The following CLASP2 variants were observed in gnomAD, a reference collection of about 807,000 sequenced individuals.
CLASP2 encodes the protein CLIP-associating protein 2.
A neutral mutation model predicts 194.4 loss-of-function variants in CLASP2; 47 were observed. The ratio of observed to expected loss-of-function variants is 0.24; its 90% CI spans 0.19 to 0.31. The LOEUF (loss-of-function observed/expected upper bound fraction) is 0.31, where lower values mean the gene tolerates loss of function less well. Among genes scored for constraint, CLASP2 ranks in the 10% least tolerant of loss-of-function variants. The pLI is 1.00. For missense variants in CLASP2, 1,445 were observed against 1,823.6 expected (o/e 0.79, Z 3.78); for synonymous variants, 619 against 633.5 (o/e 0.98, Z 0.34).
intron 1 of CLASP2, among the ~76,000 whole-genome samples, chr3:33,716,664 T>C (rs540113001): frequency 2.8e-4 from 42 of 152,366 alleles, no homozygotes; most frequent in African/African-American, 7.2e-4. Context: ...GGTAATGATA[T>C]ATTATTAAAT....
intron 23 of CLASP2, among the ~76,000 whole-genome samples, chr3:33,577,479 C>T (rs925676553): frequency 2.0e-5 from 3 of 151,794 alleles, no homozygotes; most frequent in Admixed American, 2.0e-4. Context: ...GACAGGCCTA[C>T]AGGAGACAAA....
chr3:33,675,390 T>C (rs1213397881), intron 6 of CLASP2, among the ~76,000 whole-genome samples: 1 of 151,658 alleles, frequency 6.6e-6, no homozygotes, highest in Non-Finnish European at 1.5e-5. Flanking sequence ...TTCAACAACC[T>C]TCATGCTAAA....
intron 37 of CLASP2, chr3:33,503,238 G>A (rs2047236569): frequency 1.3e-5 from 2 of 152,046 alleles, no homozygotes; most frequent in South Asian, 2.1e-4. Context: ...TCCATTGTAT[G>A]ATATATCATG....
intron 7 of CLASP2, among the ~76,000 whole-genome samples, chr3:33,655,196 G>A (rs1421060688): frequency 6.6e-5 from 10 of 152,086 alleles, no homozygotes; most frequent in Non-Finnish European, 1.5e-5. Context: ...TATTCTATAT[G>A]TACAAAGAAA....
intron 19 of CLASP2, among the ~76,000 whole-genome samples, chr3:33,596,332 A>G (rs866190165): frequency 1.3e-5 from 2 of 152,130 alleles, no homozygotes; most frequent in Admixed American, 1.3e-4. Context: ...GTCATTTGTC[A>G]TATCACTTAA....
chr3:33,604,198 G>C lies in CLASP2; in HGVS notation c.1706C>G (p.Ser569Cys). The C allele has an allele frequency of 6.4e-7, 1 of 1,558,306 alleles. No homozygotes were observed. The highest frequency in any genetic ancestry group is 8.7e-7 in the Non-Finnish European group (1 of 1,150,012). The change falls in exon 17 of 39, where the codon TCT (serine) becomes TGT (cysteine). Residue 569 changes from serine (S) to cysteine (C), a missense_variant. By Grantham distance (112) the Ser-to-Cys change is moderately radical (BLOSUM62 -1). Coordinates refer to ENST00000682230, the MANE Select transcript of CLASP2 (RefSeq NM_001365631.1). ...SSQESLNRPF[S>C]SKWSTANPST... The stretch of plus-strand genomic sequence containing the variant: ...TGGATTTGCTGTAGACCATTTGGAA[G>C]AAAAAGGGCGACTGCAAAGTATAAA...
chr3:33,604,819 G>A (rs2073363426), intron 16 of CLASP2, among the ~76,000 whole-genome samples: 2 of 152,156 alleles, frequency 1.3e-5, no homozygotes, highest in South Asian at 4.1e-4. Context: ...GACCACCAAA[G>A]AGAACTCGAT....
intron 29 of CLASP2, among the ~76,000 whole-genome samples, chr3:33,552,815 C>T (rs1234269476): frequency 6.6e-6 from 1 of 152,066 alleles, no homozygotes; most frequent in African/African-American, 2.4e-5. Flanking sequence ...CTTATTCATC[C>T]TATAGATCTG....
chr3:33,588,775 A>G (rs2067996883), intron 21 of CLASP2: 3 of 700,704 alleles, frequency 4.3e-6, no homozygotes, highest in Non-Finnish European at 7.8e-6. Context: ...ATTATAATCC[A>G]TGAAGAGGGA....
At chr3:33,581,983 G>C in intron 22 of CLASP2, 55 bp from the exon 23 acceptor site, 1 of 1,301,618 alleles carries the variant, frequency 7.7e-7, no homozygotes. Context: ...AACAGAGTTT[G>C]CATTTTAAAA....
chr3:33,507,308 T>TA (rs1319953930), intron 37 of CLASP2, among the ~76,000 whole-genome samples: 1 of 152,170 alleles, frequency 6.6e-6, no homozygotes, highest in East Asian at 1.9e-4. Flanking sequence ...GCCATTTCTT[T>TA]ACTAAAGAAA....
intron 18 of CLASP2, chr3:33,602,595 TAAGAG>T (rs2154254587): frequency 2.6e-6 from 2 of 759,270 alleles, no homozygotes; most frequent in Non-Finnish European, 4.8e-6. Context: ...ACATTCTTGG[TAAGAG>T]AAGAGAAGTA....
At chr3:33,598,177 C>G (rs1452581891) in intron 18 of CLASP2, among the ~76,000 whole-genome samples, 1 of 149,348 alleles carries the variant, frequency 6.7e-6, no homozygotes, top group East Asian at 2.0e-4. Flanking sequence ...TTTTTTTTCA[C>G]TCTAATAAAT....
intron 7 of CLASP2, among the ~76,000 whole-genome samples, chr3:33,648,651 T>G (rs2082677497): frequency 6.6e-6 from 1 of 152,220 alleles, no homozygotes; most frequent in Non-Finnish European, 1.5e-5. Flanking sequence ...TTAAAATTTT[T>G]GTTAAACATT....
chr3:33,701,944 G>GA (rs1166470944), intron 1 of CLASP2, among the ~76,000 whole-genome samples: 2 of 151,530 alleles, frequency 1.3e-5, no homozygotes, highest in Admixed American at 1.3e-4. Context: ...AAACATAAAA[G>GA]AAAAAAACAT....
At position 33,658,861 on chromosome 3, in the gene CLASP2, C is replaced by T. The variant is rs190148875; in HGVS notation, c.715+4584G>A. The T allele has an allele frequency of 4.5e-5, 43 of 965,932 alleles. No individual in the cohort carries two copies. In the East Asian group the frequency reaches 1.1e-3, roughly 25 times the overall value. 59.8% of individuals were successfully genotyped at this position (965,932 alleles called of 1,614,324 possible). On this transcript the variant is annotated intron_variant, in intron 7 of 38. Transcript: ENST00000682230. ...ACAAGTGTACACACATGCATAAACACACAAGTGTCCTTCATTCTTTAGGGA... is the reference window on the plus strand; with the variant it reads ...ACAAGTGTACACACATGCATAAACATACAAGTGTCCTTCATTCTTTAGGGA...
At chr3:33,512,492 G>T (rs1225026737) in intron 36 of CLASP2, among the ~76,000 whole-genome samples, 1 of 41,802 alleles carries the variant, frequency 2.4e-5, no homozygotes, top group Non-Finnish European at 4.3e-5. Flanking sequence ...CACCAGCATG[G>T]CACATGTATA....
chr3:33,634,630 C>T (rs1353556161), intron 8 of CLASP2, among the ~76,000 whole-genome samples: 2 of 152,138 alleles, frequency 1.3e-5, no homozygotes. Context: ...AACATGACTA[C>T]AGTTAACAAC....
Position 33,717,841 on chromosome 3 carries a change from C to A in CLASP2, c.162G>T (p.Ala54=), listed in dbSNP as rs1440090446. ...DLGRLGKTVD[A]LTGWVGSSNY... is the part of the protein sequence containing the mutation. ...TGCTCGAACCCACCCAGCCGGTGAGCGCGTCGACTGTCTTGCCTAGGCGGC... is the reference window on the plus strand; with the variant it reads ...TGCTCGAACCCACCCAGCCGGTGAGAGCGTCGACTGTCTTGCCTAGGCGGC... The change falls in exon 1 of 39, where the codon GCG becomes GCT. Residue 54 remains alanine, a synonymous_variant. Transcript: ENST00000682230. The A allele has an allele frequency of 3.8e-6, 6 of 1,564,132 alleles. No homozygotes were observed. In the East Asian group the frequency reaches 9.5e-5, roughly 25 times the overall value.
Sources: allele counts gnomAD v4.1 joint callset (sites outside exome capture counted in the v4.1 genomes callset), GRCh38; gene constraint gnomAD v4.1.1; transcripts MANE v1.5; gene names NCBI Gene and HGNC (gene_info 2026-07-23, HGNC 2026-07-21).